The following GRID2 variants were observed in gnomAD, a reference collection of about 807,000 sequenced individuals.
The protein encoded by GRID2 is glutamate receptor ionotropic, delta-2.
In GRID2, 33 loss-of-function variants were observed where a neutral mutation model predicts 114.8. The ratio of observed to expected loss-of-function variants is 0.29; its 90% CI spans 0.22 to 0.38. The LOEUF is 0.38. GRID2 is among the 10% of genes least tolerant of loss of function. The pLI is 1.00. For synonymous variants in GRID2, 505 were observed against 449.9 expected (o/e 1.12, Z -1.55); for missense variants, 1,184 against 1,257.7 (o/e 0.94, Z 0.89).
intron 2 of GRID2, among the ~76,000 whole-genome samples, chr4:92,760,616 A>G (rs1258264604): frequency 6.6e-6 from 1 of 152,122 alleles, no homozygotes; most frequent in African/African-American, 2.4e-5. Flanking sequence ...TTCCTCTCAC[A>G]CACTGCCAAA....
intron 2 of GRID2, among the ~76,000 whole-genome samples, chr4:93,008,642 G>C (rs1331746614): frequency 1.3e-5 from 2 of 152,106 alleles, no homozygotes; most frequent in African/African-American, 4.8e-5. Context: ...AGACATGGCA[G>C]TATTGCTGGA....
intron 1 of GRID2, among the ~76,000 whole-genome samples, chr4:92,418,615 C>T (rs1731738929): frequency 6.6e-6 from 1 of 151,942 alleles, no homozygotes; most frequent in South Asian, 2.1e-4. Flanking sequence ...GAATTGCTAA[C>T]AAATGAGTAA....
At chr4:92,889,915 G>A (rs1240641380) in intron 2 of GRID2, among the ~76,000 whole-genome samples, 1 of 152,052 alleles carries the variant, frequency 6.6e-6, no homozygotes, top group East Asian at 1.9e-4. Context: ...TACCAAAACA[G>A]ACATATAGAC....
intron 1 of GRID2, among the ~76,000 whole-genome samples, chr4:93,796,741 G>T (rs987977149): frequency 6.6e-6 from 1 of 152,090 alleles, no homozygotes; most frequent in African/African-American, 2.4e-5. Context: ...AGTAGAGATG[G>T]GTTTCACCAT....
chr4:92,512,537 A>G (rs1185071380), intron 1 of GRID2, among the ~76,000 whole-genome samples: 1 of 151,914 alleles, frequency 6.6e-6, no homozygotes, highest in Admixed American at 6.6e-5. Context: ...TAGGAAGGAA[A>G]ATTACAAACT....
rs555933882 is a variant in GRID2 at position 93,193,253 on chromosome 4, G to A, written c.736-14151G>A. Among the ~76,000 whole-genome samples, 62 of 152,240 alleles carry A rather than the reference G, an allele frequency of 4.1e-4. No individual in the cohort carries two copies. The South Asian group carries it at 5.6e-3, about 14-fold the overall frequency. ...AGCCCATCTCCTTGGGTCTGAAGGA[G>A]ACCGAGGGATCATTATCAAATAGAT... On this transcript the variant is annotated intron_variant, in intron 4 of 15. Coordinates refer to ENST00000282020, the MANE Select transcript of GRID2 (RefSeq NM_001510.4).
intron 8 of GRID2, among the ~76,000 whole-genome samples, chr4:93,346,716 G>C (rs939953041): frequency 2.0e-5 from 3 of 152,106 alleles, no homozygotes; most frequent in African/African-American, 4.8e-5. Flanking sequence ...ATTTTTATCT[G>C]AAATTCGGAA....
chr4:93,714,298 C>A (rs1458096540), intron 14 of GRID2, among the ~76,000 whole-genome samples: 2 of 152,156 alleles, frequency 1.3e-5, no homozygotes, highest in Non-Finnish European at 2.9e-5. Context: ...GCATAGTATT[C>A]CATGGTTTAT....
chr4:92,442,916 G>T (rs1313862504), intron 1 of GRID2, among the ~76,000 whole-genome samples: 2 of 152,076 alleles, frequency 1.3e-5, no homozygotes, highest in Admixed American at 6.5e-5. Flanking sequence ...GAAACTGTAA[G>T]CCGGACCAGG....
At chr4:92,323,198 A>T (rs902101729) in intron 1 of GRID2, among the ~76,000 whole-genome samples, 1 of 152,094 alleles carries the variant, frequency 6.6e-6, no homozygotes, top group Non-Finnish European at 1.5e-5. Context: ...AGTTTTGATC[A>T]TTTTTATTTT....
chr4:93,765,301 C>T (rs1733554874), intron 14 of GRID2, among the ~76,000 whole-genome samples: 1 of 152,038 alleles, frequency 6.6e-6, no homozygotes, highest in South Asian at 2.1e-4. Context: ...CCCATGCCAG[C>T]CTGTATTCCT....
At chr4:92,308,400 TTTG>T (rs1441989300) in intron 1 of GRID2, among the ~76,000 whole-genome samples, 1 of 152,172 alleles carries the variant, frequency 6.6e-6, no homozygotes, top group Non-Finnish European at 1.5e-5. Context: ...CTAGCATATT[TTTG>T]TTGTTTTCAG....
intron 1 of GRID2, among the ~76,000 whole-genome samples, chr4:92,464,408 T>C (rs1331572289): frequency 6.6e-6 from 1 of 152,120 alleles, no homozygotes; most frequent in East Asian, 1.9e-4. Flanking sequence ...GAAATAAAGC[T>C]CTAGTCTTCC....
intron 13 of GRID2, among the ~76,000 whole-genome samples, chr4:93,613,400 G>GT (rs2149668255): frequency 7.9e-6 from 1 of 126,702 alleles, no homozygotes; most frequent in Non-Finnish European, 1.7e-5. Flanking sequence ...GCGTTTTAGA[G>GT]TTTCCAGTTT....
intron 2 of GRID2, among the ~76,000 whole-genome samples, chr4:92,636,719 G>A (rs1203369989): frequency 1.3e-5 from 2 of 151,908 alleles, no homozygotes; most frequent in African/African-American, 4.8e-5. Context: ...GTGTGAGCTC[G>A]GGTCCCAGCG....
At chr4:93,359,890 AAAAAAAAAAAAT>A in intron 8 of GRID2, among the ~76,000 whole-genome samples, 1 of 146,388 alleles carries the variant, frequency 6.8e-6, no homozygotes, top group East Asian at 2.0e-4. Flanking sequence ...AAAAAAAAAA[AAAAAAAAAAAAT>A]GGGGTCAATA....
At position 92,836,539 on chromosome 4, in the gene GRID2, CA is replaced by C. The variant is rs535458738; in HGVS notation, c.244+246262del. Among the ~76,000 whole-genome samples, 878 of 147,124 alleles carry C rather than the reference CA, an allele frequency of 6.0e-3. 15 individuals carry two copies. Among genetic ancestry groups the C allele is most frequent in the African/African-American group, 0.021 (824 of 40,066 alleles). On this transcript the variant is annotated intron_variant, in intron 2 of 15. Transcript: ENST00000282020. ...CATATTTGAATGAATAAGTACTAACCAAAAAAAAACAGAAAATATTTGCATT... is the reference window on the plus strand; with the variant it reads ...CATATTTGAATGAATAAGTACTAACCAAAAAAAACAGAAAATATTTGCATT...
intron 2 of GRID2, among the ~76,000 whole-genome samples, chr4:93,044,399 AG>A (rs1485663044): frequency 6.6e-6 from 1 of 152,138 alleles, no homozygotes; most frequent in African/African-American, 2.4e-5. Flanking sequence ...ACTTAGCTAA[AG>A]GACACTATTG....
At chr4:93,179,512 T>A (rs1426762142) in intron 4 of GRID2, among the ~76,000 whole-genome samples, 1 of 152,194 alleles carries the variant, frequency 6.6e-6, no homozygotes. Context: ...AAGTACCCAC[T>A]GGTAATTATT....
Sources: allele counts gnomAD v4.1 joint callset (sites outside exome capture counted in the v4.1 genomes callset), GRCh38; gene constraint gnomAD v4.1.1; transcripts MANE v1.5; gene names NCBI Gene and HGNC (gene_info 2026-07-23, HGNC 2026-07-21).